Variants in EWSR1 observed in about 807,000 individuals in gnomAD.
EWSR1 encodes the protein EWS RNA binding protein 1.
Under a neutral mutation model 92.1 loss-of-function variants are expected in EWSR1, and 14 were observed. The observed-to-expected ratio is 0.15, with a 90% CI of 0.10 to 0.24. The LOEUF (loss-of-function observed/expected upper bound fraction) is 0.24, where lower values mean the gene tolerates loss of function less well. Among genes scored for constraint, EWSR1 ranks in the 10% least tolerant of loss-of-function variants. The pLI, the probability that EWSR1 is intolerant of heterozygous loss-of-function variation, is 1.00. For synonymous variants in EWSR1, 303 were observed against 292.9 expected, an observed-to-expected ratio of 1.03 and a Z score of -0.35; for missense variants, 637 against 870.9, an observed-to-expected ratio of 0.73 and a Z score of 3.38.
At chr22:29,280,073 G>GGGTTGGTT (rs550292686) in intron 5 of EWSR1, among the ~76,000 whole-genome samples, 8 of 152,158 alleles carry the variant, frequency 5.3e-5, no homozygotes, top group Admixed American at 4.6e-4. Flanking sequence ...TGGTTTTTCT[G>GGGTTGGTT]GGTTGGTTGG....
In EWSR1 at chr22:29,284,565, C is replaced by T. The variant is rs528340064; in HGVS notation, c.581+2008C>T. Among the ~76,000 whole-genome samples, 6 of 151,228 alleles carry T rather than the reference C, an allele frequency of 4.0e-5. No individual in the cohort carries two copies. The South Asian group carries it at 1.2e-3, about 31-fold the overall frequency. ...GTTAATCTGGCAAGTTGGATAGGTACACAGTGAGAGATTATTGAATTCATA... is the reference window on the plus strand; with the variant it reads ...GTTAATCTGGCAAGTTGGATAGGTATACAGTGAGAGATTATTGAATTCATA... On this transcript the variant is annotated intron_variant, in intron 6 of 16. Transcript: ENST00000397938.
At chr22:29,281,747 A>AT (rs909848050) in intron 5 of EWSR1, among the ~76,000 whole-genome samples, 266 of 148,178 alleles carry the variant, frequency 1.8e-3, no homozygotes, top group African/African-American at 5.6e-3. Context: ...TGCCTGGCTA[A>AT]TTTTTTTTTT....
At position 29,292,625 on chromosome 22, in the gene EWSR1, A is replaced by G. The variant is rs201925204; in HGVS notation, c.1164+19A>G. On this transcript the variant is annotated intron_variant, in intron 11 of 16. Coordinates refer to ENST00000397938, the MANE Select transcript of EWSR1 (RefSeq NM_005243.4). Reference sequence around the variant, plus strand: ...TGTTAAGGTCAGTAAAAGCATAACCAGGTCATCTGGCAGAACTTTAAACCA... The same window carrying G: ...TGTTAAGGTCAGTAAAAGCATAACCGGGTCATCTGGCAGAACTTTAAACCA... 5.3e-5 allele frequency: 80 copies of G among 1,497,692 alleles called. No homozygotes were observed. Among genetic ancestry groups the G allele is most frequent in the Non-Finnish European group, 7.1e-5 (76 of 1,075,908 alleles). The allele number at this position is 1,497,692 out of a possible 1,614,324, so 92.8% of individuals were successfully genotyped here.
At chr22:29,269,344 G>A (rs1162376118) in intron 1 of EWSR1, 2 of 152,246 alleles carry the variant, frequency 1.3e-5, no homozygotes, top group Non-Finnish European at 2.9e-5. Flanking sequence ...CAATCTTAAA[G>A]GCACTTGCAA....
At chr22:29,279,947 T>TTA (rs2059432415) in intron 5 of EWSR1, among the ~76,000 whole-genome samples, 1 of 152,012 alleles carries the variant, frequency 6.6e-6, no homozygotes, top group Non-Finnish European at 1.5e-5. Flanking sequence ...TTCTTTTCAC[T>TTA]TGTTACCACT....
Position 29,300,218 on chromosome 22 carries a change from ATG to A in EWSR1, c.*59_*60del, listed in dbSNP as rs1314785324. ...CCAGATTTATTTTTTAAACCAGAAA[ATG>A]TTTTAAATTTATAATTCCATATTTA... On this transcript the variant is annotated 3_prime_UTR_variant, in exon 17 of 17. Transcript: ENST00000397938. The A allele has an allele frequency of 3.3e-6, 5 of 1,496,166 alleles. No homozygotes were observed. Among genetic ancestry groups the A allele is most frequent in the Non-Finnish European group, 4.6e-6 (5 of 1,079,404 alleles). 92.7% of individuals were successfully genotyped at this position (1,496,166 alleles called of 1,614,324 possible).
chr22:29,290,256 T>G (rs936548870), intron 8 of EWSR1: 16 of 599,804 alleles, frequency 2.7e-5, no homozygotes, highest in Middle Eastern at 3.1e-4. Flanking sequence ...TGCCCCCCTT[T>G]TTATTGTGGT....
chr22:29,290,694 C>T, intron 8 of EWSR1: 3 of 1,339,244 alleles, frequency 2.2e-6, no homozygotes, highest in Non-Finnish European at 2.9e-6. Context: ...AGAGAGAGAA[C>T]ATTTTATGGT....
At position 29,287,097 on chromosome 22, in the gene EWSR1, T is replaced by G; in HGVS notation, c.756T>G (p.Ser252Arg). 1 of 1,614,024 alleles carries G rather than the reference T, an allele frequency of 6.2e-7. No homozygotes were observed. The highest frequency in any genetic ancestry group is 8.5e-7 in the Non-Finnish European group (1 of 1,179,956). The change falls in exon 7 of 17, where the codon AGT becomes AGG. Residue 252 changes from serine (S) to arginine (R), a missense_variant. By Grantham distance (110) the Ser-to-Arg change is moderately radical. This residue lies in a region of EWSR1 where 116 missense variants were observed against 167.8 expected (regional missense o/e 0.69). Transcript: ENST00000397938. ...PQTGSYSQAPSQYSQQSSSYG... is the reference protein window; with the variant it reads ...PQTGSYSQAPRQYSQQSSSYG... ...CTGGATCCTACAGCCAAGCTCCAAGTCAATATAGCCAACAGAGCAGCAGCT... is the reference window on the plus strand; with the variant it reads ...CTGGATCCTACAGCCAAGCTCCAAGGCAATATAGCCAACAGAGCAGCAGCT...
chr22:29,280,359 C>T (rs1001253264), intron 5 of EWSR1, among the ~76,000 whole-genome samples: 1 of 152,166 alleles, frequency 6.6e-6, no homozygotes, highest in African/African-American at 2.4e-5. Flanking sequence ...TGAGCCACCG[C>T]ACCCGGCCTG....
At chr22:29,285,711 C>G (rs2059972792) in intron 6 of EWSR1, among the ~76,000 whole-genome samples, 1 of 151,354 alleles carries the variant, frequency 6.6e-6, no homozygotes, top group Admixed American at 6.6e-5. Flanking sequence ...TGCCTCACTT[C>G]ACTCTCTCTA....
chr22:29,300,192 A>G lies in EWSR1; in HGVS notation c.*31A>G, dbSNP rs2061243069. The stretch of plus-strand genomic sequence containing the variant: ...GAGACCCCGCAGAGCTGCATTGACT[A>G]CCAGATTTATTTTTTAAACCAGAAA... On this transcript the variant is annotated 3_prime_UTR_variant, in exon 17 of 17. Transcript: ENST00000397938. 1 of 1,597,620 alleles carries G rather than the reference A, an allele frequency of 6.3e-7. No homozygotes were observed. The highest frequency in any genetic ancestry group is 1.4e-5 in the African/African-American group (1 of 73,408).
At position 29,274,364 on chromosome 22, in the gene EWSR1, C is replaced by T. The variant is rs1190605440; in HGVS notation, c.226+500C>T. 4 of 1,527,594 alleles carry T rather than the reference C, an allele frequency of 2.6e-6. No homozygotes were observed. In the African/African-American group the frequency reaches 4.1e-5, roughly 16 times the overall value. 94.6% of individuals were successfully genotyped at this position (1,527,594 alleles called of 1,614,324 possible). On this transcript the variant is annotated intron_variant, in intron 4 of 16. Coordinates refer to ENST00000397938, the MANE Select transcript of EWSR1 (RefSeq NM_005243.4). ...GTAATGTTAATCCTTTAGGTGTTTT[C>T]ATTTGTTGAACCCCCAAACTTTCTA...
Position 29,272,425 on chromosome 22 carries a change from C to T in EWSR1, c.96C>T (p.Thr32=), listed in dbSNP as rs1385809740. The T allele has an allele frequency of 1.2e-6, 2 of 1,612,416 alleles. No homozygotes were observed. The highest frequency in any genetic ancestry group is 1.7e-5 in the Admixed American group (1 of 59,988). Residue 32 remains threonine, a synonymous_variant, in exon 3 of 17, where the codon ACC becomes ACT. Coordinates refer to ENST00000397938, the MANE Select transcript of EWSR1 (RefSeq NM_005243.4). ...AGCCCACTCAAGGATATGCACAGAC[C>T]ACCCAGGTAATCTTTAAAATAATTA... ...TAQPTQGYAQ[T]TQAYGQQSYG...
chr22:29,271,185 C>T (rs1476193815), intron 1 of EWSR1, among the ~76,000 whole-genome samples: 2 of 152,078 alleles, frequency 1.3e-5, no homozygotes, highest in Admixed American at 6.6e-5. Context: ...GTCCTAATGG[C>T]AGTACTGTCT....
At position 29,299,596 on chromosome 22, in the gene EWSR1, T is replaced by G. The variant is rs2061178137; in HGVS notation, c.1679-3T>G. The G allele has an allele frequency of 6.3e-7, 1 of 1,594,072 alleles. No homozygotes were observed. The highest frequency in any genetic ancestry group is 1.3e-5 in the African/African-American group (1 of 74,602). On this transcript the variant is annotated splice_region_variant and splice_polypyrimidine_tract_variant and intron_variant, in intron 15 of 16. Coordinates refer to ENST00000397938, the MANE Select transcript of EWSR1 (RefSeq NM_005243.4). ...TGCTTTCGCCCTGCTATTCTCACCT[T>G]AGGTGGTGATCGTGGCAGAGGTGGC... is the stretch of plus-strand genomic sequence containing the variant.
At chr22:29,284,897 G>A (rs535037464) in intron 6 of EWSR1, among the ~76,000 whole-genome samples, 3 of 151,284 alleles carry the variant, frequency 2.0e-5, no homozygotes, top group East Asian at 3.9e-4. Flanking sequence ...TTGGCTCACC[G>A]CAACCCTCGC....
chr22:29,268,823 T>TA (rs973091025), intron 1 of EWSR1, among the ~76,000 whole-genome samples: 3 of 152,186 alleles, frequency 2.0e-5, no homozygotes, highest in Admixed American at 1.3e-4. Context: ...CAAATAAAGA[T>TA]ACCGTGGATT....
intron 5 of EWSR1, among the ~76,000 whole-genome samples, chr22:29,280,674 GTTTTT>G (rs1005931943): frequency 2.2e-5 from 3 of 134,980 alleles, no homozygotes; most frequent in South Asian, 2.4e-4. Context: ...GGTTTGGTTG[GTTTTT>G]TTTTTTTTTT....
Sources: allele counts gnomAD v4.1 joint callset (sites outside exome capture counted in the v4.1 genomes callset), GRCh38; gene constraint gnomAD v4.1.1; regional missense constraint gnomAD v4.1.1; transcripts MANE v1.5; gene names NCBI Gene and HGNC (gene_info 2026-07-23, HGNC 2026-07-21).